VRK2: variants seen among roughly 807,000 people sequenced by gnomAD.
The protein encoded by VRK2 is serine/threonine-protein kinase VRK2.
A neutral mutation model predicts 57.6 loss-of-function variants in VRK2; 60 were observed. The ratio of observed to expected loss-of-function variants is 1.04; its 90% confidence interval spans 0.85 to 1.29. The LOEUF (loss-of-function observed/expected upper bound fraction) is 1.29, where lower values mean the gene tolerates loss of function less well. VRK2 is among the 50% of genes most tolerant of loss of function. The pLI is 0.00. For synonymous variants in VRK2, 231 were observed against 199.2 expected (o/e 1.16, Z -1.35); for missense variants, 705 against 588.1 (o/e 1.20, Z -2.06).
chr2:58,025,372 A>C (rs1004676169), intron 1 of VRK2, among the ~76,000 whole-genome samples: 3 of 152,110 alleles, frequency 2.0e-5, no homozygotes, highest in Non-Finnish European at 4.4e-5. Flanking sequence ...GCTATGACTG[A>C]GAAAGTCGTT....
intron 7 of VRK2, among the ~76,000 whole-genome samples, chr2:58,095,105 CT>C (rs1305657059): frequency 6.6e-6 from 1 of 151,972 alleles, no homozygotes; most frequent in Non-Finnish European, 1.5e-5. Flanking sequence ...ACCATCCTGG[CT>C]AACATGGTGA....
intron 2 of VRK2, among the ~76,000 whole-genome samples, chr2:58,070,235 A>G (rs1426953038): frequency 6.6e-6 from 1 of 152,070 alleles, no homozygotes; most frequent in East Asian, 1.9e-4. Context: ...TTTTTTCTTG[A>G]GATGGAGTCT....
At chr2:58,115,727 G>A (rs1378365884) in intron 7 of VRK2, among the ~76,000 whole-genome samples, 2 of 151,758 alleles carry the variant, frequency 1.3e-5, no homozygotes, top group Non-Finnish European at 2.9e-5. Context: ...TGCCAAGATA[G>A]GTAACAGATG....
rs1209688434 is a variant in VRK2, at chr2:58,088,395, C to T, written c.399C>T (p.Gly133=). Residue 133 remains glycine, a synonymous_variant, in exon 6 of 13, where the codon GGC becomes GGT. Transcript: ENST00000340157. ...GAATAGATTTACAGAAGATCTCAGG[C>T]CAGAATGGTACCTTTAAAAAGTCAA... ...RLGIDLQKIS[G]QNGTFKKSTV... The T allele has an allele frequency of 1.2e-6, 2 of 1,613,330 alleles. No individual in the cohort carries two copies. Among genetic ancestry groups the T allele is most frequent in the Non-Finnish European group, 1.7e-6 (2 of 1,179,628 alleles).
intron 1 of VRK2, among the ~76,000 whole-genome samples, chr2:58,017,037 T>C (rs1233977604): frequency 6.6e-6 from 1 of 152,184 alleles, no homozygotes; most frequent in Non-Finnish European, 1.5e-5. Context: ...AGTTTACTTT[T>C]TTTGTACCTT....
chr2:58,128,660 C>T (rs1678723319), intron 8 of VRK2, among the ~76,000 whole-genome samples: 1 of 152,096 alleles, frequency 6.6e-6, no homozygotes, highest in Admixed American at 6.5e-5. Context: ...TGAGCACGGG[C>T]TTTGGTTTTT....
At chr2:58,158,651 C>T (rs10182052) in intron 12 of VRK2, among the ~76,000 whole-genome samples, 234 of 152,180 alleles carry the variant, frequency 1.5e-3, no homozygotes, top group African/African-American at 5.4e-3. Flanking sequence ...CAGAAAAACT[C>T]GACTTTCAGC....
At chr2:58,018,161 T>A (rs1673643105) in intron 1 of VRK2, 1 of 152,088 alleles carries the variant, frequency 6.6e-6, no homozygotes, top group African/African-American at 2.4e-5. Context: ...CCTGGCTAAT[T>A]TTTGTATTTT....
intron 2 of VRK2, among the ~76,000 whole-genome samples, chr2:58,073,712 C>A (rs1479086344): frequency 1.3e-5 from 2 of 150,528 alleles, no homozygotes; most frequent in African/African-American, 4.9e-5. Context: ...GAGTATTAAA[C>A]TCACATGATC....
chr2:58,040,716 T>C (rs1176570169), intron 3 of VRK2, among the ~76,000 whole-genome samples: 1 of 152,168 alleles, frequency 6.6e-6, no homozygotes, highest in African/African-American at 2.4e-5. Context: ...AGCCAGATAC[T>C]TCCACCTAGT....
rs76058231 is a variant in VRK2, at chr2:58,056,401, G to A, written c.136+7434G>A. On this transcript the variant is annotated intron_variant, in intron 2 of 12. Transcript: ENST00000340157. ...CGTCCCTCTGTCAGACTGCAGGAGA[G>A]TGTGCCATACAGTCCTCGGAAAACA... 9.4e-3 allele frequency among the ~76,000 whole-genome samples: 1,424 copies of A among 152,292 alleles called. 24 individuals are homozygous for A. The highest frequency in any genetic ancestry group is 0.033 in the African/African-American group (1,361 of 41,574).
intron 1 of VRK2, among the ~76,000 whole-genome samples, chr2:57,998,812 CAAGT>C (rs1460901003): frequency 6.6e-6 from 1 of 152,164 alleles, no homozygotes; most frequent in African/African-American, 2.4e-5. Context: ...TTGGCTGCAA[CAAGT>C]AAGTCTATGA....
At chr2:58,103,310 G>A (rs1674284228) in intron 7 of VRK2, among the ~76,000 whole-genome samples, 1 of 151,262 alleles carries the variant, frequency 6.6e-6, no homozygotes, top group African/African-American at 2.4e-5. Context: ...AAAATGAAAA[G>A]TTTGTTCTTT....
chr2:57,927,198 G>A (rs1460170492), intron 1 of VRK2, among the ~76,000 whole-genome samples: 1 of 150,116 alleles, frequency 6.7e-6, no homozygotes, highest in Admixed American at 6.6e-5. Flanking sequence ...ACTTTTTGTT[G>A]TTTCTATTTA....
chr2:58,137,182 C>CATATATATCAT lies in VRK2; in HGVS notation c.856+1989_856+1990insATCATATATAT. 2.6e-4 allele frequency among the ~76,000 whole-genome samples: 9 copies of CATATATATCAT among 35,096 alleles called. 2 individuals are homozygous for CATATATATCAT. The highest frequency in any genetic ancestry group is 1.4e-3 in the African/African-American group (9 of 6,300). The allele number at this position is 35,096 out of a possible 152,430, so 23.0% of individuals were successfully genotyped here. On this transcript the variant is annotated intron_variant, in intron 10 of 12. Transcript: ENST00000340157. ...TATATATATCATATATCATATATAT[C>CATATATATCAT]ATATATGATACATATATATCTCATA...
chr2:58,154,899 T>G (rs1364908765), intron 12 of VRK2: 7 of 591,644 alleles, frequency 1.2e-5, no homozygotes, highest in Non-Finnish European at 2.2e-5. Flanking sequence ...CAAAATATAT[T>G]TCCCCTTGAG....
rs554355847 is a variant in VRK2 at position 58,150,609 on chromosome 2, TA to T, written c.1182+4142del. ...CAACCTTTGGTTTTGTTGATTTTTT[TA>T]AAAAAACCTACCATTGATATGTTTT... is the stretch of plus-strand genomic sequence containing the variant. On this transcript the variant is annotated intron_variant, in intron 12 of 12. Transcript: ENST00000340157. Among the ~76,000 whole-genome samples, 299 of 150,688 alleles carry T rather than the reference TA, an allele frequency of 2.0e-3. 3 individuals carry two copies. Among genetic ancestry groups the T allele is most frequent in the South Asian group, 0.019 (89 of 4,782 alleles).
At chr2:57,933,268 T>C (rs1277351843) in intron 1 of VRK2, among the ~76,000 whole-genome samples, 1 of 151,292 alleles carries the variant, frequency 6.6e-6, no homozygotes, top group Non-Finnish European at 1.5e-5. Context: ...GGTGTTGGAG[T>C]CATCAATTAC....
intron 7 of VRK2, among the ~76,000 whole-genome samples, chr2:58,102,802 G>A (rs532279269): frequency 6.6e-6 from 1 of 151,504 alleles, no homozygotes; most frequent in East Asian, 1.9e-4. Context: ...ATCATCACAG[G>A]GAACATTCTC....
Sources: gnomAD v4.1 joint callset for allele counts (sites outside exome capture counted in the v4.1 genomes callset) on GRCh38, gnomAD v4.1.1 for gene constraint, MANE v1.5 for transcripts, NCBI Gene and HGNC (gene_info 2026-07-23, HGNC 2026-07-21) for gene names.